Variants in NR2C2 observed in about 807,000 individuals in gnomAD.
NR2C2 encodes the protein nuclear receptor subfamily 2 group C member 2.
Under a neutral mutation model 62.9 loss-of-function variants are expected in NR2C2, and 6 were observed. That is an observed-to-expected ratio of 0.10 (90% confidence interval 0.05 to 0.19). NR2C2 has a LOEUF of 0.19. NR2C2 is among the 10% of genes least tolerant of loss of function. The pLI, the probability that NR2C2 is intolerant of heterozygous loss-of-function variation, is 1.00. For synonymous variants in NR2C2, 272 were observed against 273.8 expected (o/e 0.99, Z 0.07); for missense variants, 479 against 762.7 (o/e 0.63, Z 4.38).
intron 1 of NR2C2, among the ~76,000 whole-genome samples, chr3:14,985,419 T>C (rs532806761): frequency 6.6e-6 from 1 of 152,166 alleles, no homozygotes; most frequent in Non-Finnish European, 1.5e-5. Context: ...ACATCTGTGA[T>C]TACCTTTTTG....
chr3:14,973,879 C>G (rs1288180401), intron 1 of NR2C2, among the ~76,000 whole-genome samples: 1 of 152,034 alleles, frequency 6.6e-6, no homozygotes, highest in African/African-American at 2.4e-5. Context: ...CCAGGTAAGC[C>G]CATCACAAGT....
intron 1 of NR2C2, among the ~76,000 whole-genome samples, chr3:14,951,905 G>A (rs538880705): frequency 9.2e-4 from 140 of 152,206 alleles, no homozygotes; most frequent in Admixed American, 4.4e-3. Context: ...CCGCCACCAC[G>A]CCTGGCTAAT....
At chr3:14,973,439 G>A (rs1001833876) in intron 1 of NR2C2, among the ~76,000 whole-genome samples, 1 of 151,970 alleles carries the variant, frequency 6.6e-6, no homozygotes, top group Non-Finnish European at 1.5e-5. Flanking sequence ...TTGCTATGCC[G>A]CCCAGGCTGG....
chr3:15,013,212 T>C (rs2041404810), intron 2 of NR2C2, among the ~76,000 whole-genome samples: 1 of 152,204 alleles, frequency 6.6e-6, no homozygotes, highest in Admixed American at 6.5e-5. Flanking sequence ...TTCCCAAGTT[T>C]TTGGCTTTTG....
intron 1 of NR2C2, among the ~76,000 whole-genome samples, chr3:15,001,510 T>A (rs2124916343): frequency 6.6e-6 from 1 of 152,080 alleles, no homozygotes; most frequent in South Asian, 2.1e-4. Flanking sequence ...ATTTTTGTGT[T>A]TTTTAGTAGA....
intron 1 of NR2C2, among the ~76,000 whole-genome samples, chr3:14,981,339 CA>C (rs1353256663): frequency 6.6e-6 from 1 of 152,106 alleles, no homozygotes; most frequent in Non-Finnish European, 1.5e-5. Context: ...CGCGGTGCCT[CA>C]CGCCTGTAAT....
chr3:14,951,164 GA>G (rs1451876646), intron 1 of NR2C2, among the ~76,000 whole-genome samples: 2 of 152,310 alleles, frequency 1.3e-5, no homozygotes, highest in East Asian at 3.9e-4. Context: ...CAAATATTCT[GA>G]TTTTTGTCTC....
At chr3:15,003,807 G>A (rs998043361) in intron 1 of NR2C2, 69 bp from the exon 2 acceptor site, 14 of 962,374 alleles carry the variant, frequency 1.5e-5, no homozygotes, top group Admixed American at 5.5e-5. Flanking sequence ...AGCAAGAGGC[G>A]TGGTCTTCAG....
At position 14,947,880 on chromosome 3, in the gene NR2C2, G is replaced by C. The variant is rs2039169435; in HGVS notation, c.-66G>C. 6.7e-6 allele frequency: 1 copy of C among 149,990 alleles called. No homozygotes were observed. The highest frequency in any genetic ancestry group is 2.4e-5 in the African/African-American group (1 of 40,964). 9.3% of individuals were successfully genotyped at this position (149,990 alleles called of 1,614,324 possible). A position where few individuals can be genotyped will look rare whatever the true frequency, so the allele number is the denominator to read the frequency against. The stretch of plus-strand genomic sequence containing the variant: ...CCGCCGCAGACACGGGACCCGCTTC[G>C]AGGCCGCTTTGGCGCCAAATCCTGA... On this transcript the variant is annotated 5_prime_UTR_variant, in exon 1 of 14. Transcript: ENST00000425241.
intron 1 of NR2C2, among the ~76,000 whole-genome samples, chr3:14,973,269 A>C (rs2040103351): frequency 6.6e-6 from 1 of 152,010 alleles, no homozygotes. Context: ...TCTGTCACTC[A>C]GGCTGGAATG....
chr3:14,965,789 G>A (rs1013095047), intron 1 of NR2C2, among the ~76,000 whole-genome samples: 1 of 152,036 alleles, frequency 6.6e-6, no homozygotes, highest in Non-Finnish European at 1.5e-5. Context: ...TCAGCCTCCT[G>A]AGTAGCTGGG....
intron 1 of NR2C2, among the ~76,000 whole-genome samples, chr3:14,955,256 A>G (rs925084015): frequency 1.3e-5 from 2 of 152,236 alleles, no homozygotes; most frequent in Non-Finnish European, 2.9e-5. Flanking sequence ...AATGTGTTCA[A>G]AGTTCTAAAA....
chr3:15,003,755 A>T (rs147807789), intron 1 of NR2C2, 121 bp from the exon 2 acceptor site: 10 of 603,084 alleles, frequency 1.7e-5, no homozygotes, highest in Non-Finnish European at 2.3e-5. Flanking sequence ...CTGGGTCCAT[A>T]CCTCAGAACC....
rs2042371025 is a variant in NR2C2 at position 15,044,186 on chromosome 3, C to G, written c.*1178C>G. Reference sequence around the variant, plus strand: ...CGAGAGTGGTTAGGGCCTGGTAAAGCTGGATGGAAGGTTTCAGGACAATTT... The same window carrying G: ...CGAGAGTGGTTAGGGCCTGGTAAAGGTGGATGGAAGGTTTCAGGACAATTT... On this transcript the variant is annotated 3_prime_UTR_variant, in exon 14 of 14. Coordinates refer to ENST00000425241, the MANE Select transcript of NR2C2 (RefSeq NM_001291694.2). 1 of 152,160 alleles carries G rather than the reference C, an allele frequency of 6.6e-6. No individual in the cohort carries two copies. Among genetic ancestry groups the G allele is most frequent in the African/African-American group, 2.4e-5 (1 of 41,410 alleles). 9.4% of individuals were successfully genotyped at this position (152,160 alleles called of 1,614,324 possible).
chr3:15,027,363 T>C (rs925699949), intron 7 of NR2C2, among the ~76,000 whole-genome samples: 10 of 152,246 alleles, frequency 6.6e-5, no homozygotes, highest in Non-Finnish European at 4.4e-5. Context: ...GATGGACATT[T>C]GTGTTGTACC....
intron 1 of NR2C2, among the ~76,000 whole-genome samples, chr3:14,965,415 G>T (rs953384735): frequency 1.4e-5 from 2 of 145,892 alleles, no homozygotes. Context: ...TAAGTTCTTT[G>T]TATGCATTCA....
chr3:14,990,916 T>A (rs1339434105), intron 1 of NR2C2, among the ~76,000 whole-genome samples: 2 of 152,242 alleles, frequency 1.3e-5, no homozygotes, highest in Non-Finnish European at 2.9e-5. Context: ...TAGGAACTTG[T>A]ATTTGAATAT....
chr3:14,961,425 T>C (rs1243065895), intron 1 of NR2C2, among the ~76,000 whole-genome samples: 1 of 152,234 alleles, frequency 6.6e-6, no homozygotes, highest in Non-Finnish European at 1.5e-5. Context: ...TTTTCTATAT[T>C]GCACACTCAA....
intron 1 of NR2C2, chr3:14,948,336 G>C (rs1475858163): frequency 6.6e-6 from 1 of 152,272 alleles, no homozygotes; most frequent in East Asian, 1.9e-4. Flanking sequence ...CGCCTTTGGC[G>C]GCCGTCGCAG....
Sources: allele counts gnomAD v4.1 joint callset (sites outside exome capture counted in the v4.1 genomes callset), GRCh38; gene constraint gnomAD v4.1.1; transcripts MANE v1.5; gene names NCBI Gene and HGNC (gene_info 2026-07-23, HGNC 2026-07-21).